The following GRIP1 variants were observed in gnomAD, a reference collection of about 807,000 sequenced individuals.
GRIP1 encodes the protein glutamate receptor-interacting protein 1.
In GRIP1, 45 loss-of-function variants were observed where a neutral mutation model predicts 129.9. That is an observed-to-expected ratio of 0.35 (90% confidence interval 0.27 to 0.44). GRIP1 has a LOEUF of 0.44. Ranked by LOEUF, GRIP1 falls within the 20% of genes least tolerant of loss-of-function variation. The probability of loss-of-function intolerance (pLI) is 1.00; values close to 1 mark genes in which losing one functional copy is unlikely to be tolerated. For synonymous variants in GRIP1, 530 were observed against 520.8 expected (o/e 1.02, Z -0.24); for missense variants, 1,196 against 1,396.8 (o/e 0.86, Z 2.29).
At chr12:66,791,003 C>T (rs1002288582) in intron 1 of GRIP1, among the ~76,000 whole-genome samples, 1 of 152,130 alleles carries the variant, frequency 6.6e-6, no homozygotes, top group East Asian at 1.9e-4. Flanking sequence ...ATGACTGGTA[C>T]AGTTGCTACA....
chr12:66,870,653 A>G (rs2040280499), intron 1 of GRIP1, among the ~76,000 whole-genome samples: 1 of 152,180 alleles, frequency 6.6e-6, no homozygotes, highest in East Asian at 1.9e-4. Context: ...TTGAGCACGG[A>G]CATGAAGATG....
upstream of GRIP1, among the ~76,000 whole-genome samples, chr12:66,807,827 C>T (rs1385504219): frequency 1.3e-5 from 2 of 151,892 alleles, no homozygotes; most frequent in African/African-American, 4.8e-5. Context: ...GCCAATTAAA[C>T]CTATTTTTTA....
chr12:66,766,264 G>A (rs2037634750), intron 1 of GRIP1, among the ~76,000 whole-genome samples: 1 of 152,316 alleles, frequency 6.6e-6, no homozygotes, highest in Admixed American at 6.5e-5. Flanking sequence ...TATCTGGGGA[G>A]TCAGAAGTCC....
intron 24 of GRIP1, 39 bp from the exon 25 acceptor site, chr12:66,349,285 A>G (rs1213086719): frequency 6.6e-7 from 1 of 1,509,404 alleles, no homozygotes; most frequent in Non-Finnish European, 9.2e-7. Flanking sequence ...TTATCGTTGT[A>G]ACCATAATTC....
chr12:66,817,023 CAGAAAACAAAT>C (rs2039231871), intron 1 of GRIP1, among the ~76,000 whole-genome samples: 3 of 152,016 alleles, frequency 2.0e-5, no homozygotes, highest in African/African-American at 7.2e-5. Context: ...ATCCTTTCCT[CAGAAAACAAAT>C]AAGATTTTAT....
chr12:66,397,514 A>G (rs1473350100), intron 16 of GRIP1, among the ~76,000 whole-genome samples: 1 of 150,244 alleles, frequency 6.7e-6, no homozygotes, highest in Non-Finnish European at 1.5e-5. Flanking sequence ...CACCCTCTAA[A>G]AAAAAAAAAA....
At chr12:66,649,635 C>T (rs1814023832) in intron 1 of GRIP1, among the ~76,000 whole-genome samples, 1 of 152,150 alleles carries the variant, frequency 6.6e-6, no homozygotes, top group Admixed American at 6.5e-5. Flanking sequence ...ATCGAGCATC[C>T]CCAAGAGTGG....
At chr12:66,558,479 A>G (rs896805969) in intron 2 of GRIP1, among the ~76,000 whole-genome samples, 1 of 152,196 alleles carries the variant, frequency 6.6e-6, no homozygotes, top group Non-Finnish European at 1.5e-5. Flanking sequence ...GGGAGCTATA[A>G]TTCAAGATGA....
chr12:66,619,111 A>C (rs2065161546), intron 1 of GRIP1, among the ~76,000 whole-genome samples: 1 of 152,162 alleles, frequency 6.6e-6, no homozygotes, highest in Non-Finnish European at 1.5e-5. Context: ...AAAGAACCCA[A>C]GGAATGAAGA....
chr12:66,807,197 T>C (rs567691203), upstream of GRIP1, among the ~76,000 whole-genome samples: 11 of 152,242 alleles, frequency 7.2e-5, no homozygotes, highest in African/African-American at 2.6e-4. Flanking sequence ...TTTCTTGATA[T>C]GGTTTATATC....
intron 1 of GRIP1, among the ~76,000 whole-genome samples, chr12:66,641,853 G>A (rs935844204): frequency 1.3e-5 from 2 of 152,094 alleles, no homozygotes; most frequent in African/African-American, 2.4e-5. Flanking sequence ...GAACATATGC[G>A]AAGTAGAAAT....
chr12:66,628,545 A>G (rs2030372535), intron 1 of GRIP1, among the ~76,000 whole-genome samples: 1 of 152,186 alleles, frequency 6.6e-6, no homozygotes, highest in Admixed American at 6.5e-5. Context: ...AAACATCACC[A>G]TGCCACTTCT....
At chr12:66,867,038 G>T (rs2040217946) in intron 1 of GRIP1, among the ~76,000 whole-genome samples, 1 of 152,020 alleles carries the variant, frequency 6.6e-6, no homozygotes, top group South Asian at 2.1e-4. Flanking sequence ...GCCCAGGCTG[G>T]AGTGCAGTGG....
intron 2 of GRIP1, among the ~76,000 whole-genome samples, chr12:66,583,520 C>T (rs1410075289): frequency 7.8e-6 from 1 of 128,414 alleles, no homozygotes; most frequent in Admixed American, 8.2e-5. Context: ...TGACAAAGGG[C>T]TAATATCCAG....
rs183830097 is a variant in GRIP1 at position 66,728,860 on chromosome 12, G to A, written c.-420+75193C>T. 5.9e-4 allele frequency among the ~76,000 whole-genome samples: 89 copies of A among 152,034 alleles called. 1 individual carries two copies. The highest frequency in any genetic ancestry group is 1.7e-3 in the African/African-American group (72 of 41,454). On this transcript the variant is annotated intron_variant, in intron 1 of 4. Coordinates refer to the GRIP1 transcript ENST00000538373. ...ACTAACAACACTAACCCACAGAATC[G>A]CAGCATACATAAAACTAAGGTGATG...
intron 15 of GRIP1, among the ~76,000 whole-genome samples, chr12:66,416,686 C>A (rs1330675309): frequency 6.6e-6 from 1 of 152,112 alleles, no homozygotes; most frequent in Non-Finnish European, 1.5e-5. Context: ...TAGACTCATA[C>A]AATGTACTAA....
At chr12:66,655,584 A>AT (rs1193591922) in intron 1 of GRIP1, among the ~76,000 whole-genome samples, 1 of 110,868 alleles carries the variant, frequency 9.0e-6, no homozygotes, top group African/African-American at 3.4e-5. Context: ...ATACACTAAT[A>AT]TTTTTTTGCA....
At chr12:66,504,393 T>C (rs1193400488) in intron 7 of GRIP1, among the ~76,000 whole-genome samples, 1 of 152,188 alleles carries the variant, frequency 6.6e-6, no homozygotes, top group Non-Finnish European at 1.5e-5. Context: ...AGATTTATCA[T>C]ATAGAAAGCC....
intron 1 of GRIP1, among the ~76,000 whole-genome samples, chr12:66,980,396 A>G (rs2042226167): frequency 6.6e-6 from 1 of 152,046 alleles, no homozygotes. Context: ...GTGAGTTACA[A>G]GGTCAAGAGA....
Sources: allele counts gnomAD v4.1 joint callset (sites outside exome capture counted in the v4.1 genomes callset), GRCh38; gene constraint gnomAD v4.1.1; transcripts MANE v1.5; gene names NCBI Gene and HGNC (gene_info 2026-07-23, HGNC 2026-07-21).